PEX10: variants seen among roughly 807,000 people sequenced by gnomAD.
PEX10 encodes the protein peroxisomal biogenesis factor 10.
Under a neutral mutation model 38.0 loss-of-function variants are expected in PEX10, and 32 were observed. The ratio of observed to expected loss-of-function variants is 0.84; its 90% CI spans 0.63 to 1.13. PEX10 has a LOEUF of 1.13. Among genes scored for constraint, PEX10 ranks in the 50% most tolerant of loss-of-function variants. The pLI, the probability that PEX10 is intolerant of heterozygous loss-of-function variation, is 0.00. For synonymous variants in PEX10, 206 were observed against 207.3 expected (o/e 0.99, Z 0.05); for missense variants, 483 against 457.7 (o/e 1.06, Z -0.51).
rs2100441995 is a variant in PEX10 at position 2,412,530 on chromosome 1, G to A, written c.-28C>T. The A allele has an allele frequency of 1.5e-6, 2 of 1,302,406 alleles. No homozygotes were observed. The highest frequency in any genetic ancestry group is 3.2e-5 in the East Asian group (1 of 30,972). 80.7% of individuals were successfully genotyped at this position (1,302,406 alleles called of 1,614,324 possible). A position where few individuals can be genotyped will look rare whatever the true frequency, so the allele number is the denominator to read the frequency against. On this transcript the variant is annotated 5_prime_UTR_variant, in exon 1 of 6. Transcript: ENST00000447513. ...CCGCGGGTTCGGGTGGTCCCGAGCA[G>A]CCACGCCGGCCACGCCCACGCCCAG...
chr1:2,407,574 T>C (rs1214392960), intron 3 of PEX10, among the ~76,000 whole-genome samples: 1 of 152,222 alleles, frequency 6.6e-6, no homozygotes, highest in African/African-American at 2.4e-5. Context: ...TCCATGCCCC[T>C]GTCACAGCAG....
At chr1:2,406,960 G>C in intron 3 of PEX10, 65 bp from the exon 4 acceptor site, 3 of 1,566,526 alleles carry the variant, frequency 1.9e-6, no homozygotes, top group Non-Finnish European at 2.6e-6. Flanking sequence ...CGCCTGCTGG[G>C]AGGGTCACAC....
rs77398469 is a variant in PEX10, at chr1:2,410,994, A to C, written c.113-543T>G. 472 of 407,130 alleles carry C rather than the reference A, an allele frequency of 1.2e-3. 3 individuals are homozygous for C. The highest frequency in any genetic ancestry group is 9.4e-3 in the African/African-American group (460 of 48,872). 25.2% of individuals were successfully genotyped at this position (407,130 alleles called of 1,614,324 possible). On this transcript the variant is annotated intron_variant, in intron 1 of 5. Transcript: ENST00000447513. This position sits in a 1 kb window ranked among gnomAD's most constrained non-coding sequence, Gnocchi z 5.1. ...ACACACAAAAAATTCTCATCATGTC[A>C]CTCTCCTGTTCAGAATCCACCAATG... is the stretch of plus-strand genomic sequence containing the variant.
Position 2,410,459 on chromosome 1 carries a change from G to A in PEX10, c.113-8C>T. 6.2e-7 allele frequency: 1 copy of A among 1,613,662 alleles called. No individual in the cohort carries two copies. The highest frequency in any genetic ancestry group is 8.5e-7 in the Non-Finnish European group (1 of 1,179,670). ...CCAGCCACTTCCTCGCACCTGAGAG[G>A]AGAAACAGTATTAGTCCGGGGGAGC... is the stretch of plus-strand genomic sequence containing the variant. On this transcript the variant is annotated splice_region_variant and splice_polypyrimidine_tract_variant and intron_variant, in intron 1 of 5. Coordinates refer to ENST00000447513, the MANE Select transcript of PEX10 (RefSeq NM_002617.4). The surrounding 1 kb of genome is among the most constrained non-coding windows in gnomAD (Gnocchi z 5.1).
At position 2,405,415 on chromosome 1, in the gene PEX10, G is replaced by T; in HGVS notation, c.*351C>A. ...GGGGCTGTTTTCTCACAATATAAACGAATAAAGTGTCTTCTGGCCTACTTC... is the reference window on the plus strand; with the variant it reads ...GGGGCTGTTTTCTCACAATATAAACTAATAAAGTGTCTTCTGGCCTACTTC... On this transcript the variant is annotated 3_prime_UTR_variant, in exon 6 of 6. Transcript: ENST00000447513. The T allele has an allele frequency of 2.4e-6, 1 of 423,070 alleles. No individual in the cohort carries two copies. Among genetic ancestry groups the T allele is most frequent in the Admixed American group, 3.5e-5 (1 of 28,452 alleles). The allele number at this position is 423,070 out of a possible 1,614,324, so 26.2% of individuals were successfully genotyped here.
Position 2,405,732 on chromosome 1 carries a change from G to GGTC in PEX10, c.*31_*33dup. The GGTC allele has an allele frequency of 1.3e-6, 2 of 1,560,596 alleles. No homozygotes were observed. The highest frequency in any genetic ancestry group is 2.7e-5 in the African/African-American group (2 of 73,730). Reference sequence around the variant, plus strand: ...ATCTTGGCGTTCAGACTCCCGTAGAGGTCATCTGTGTCCAGGCCCACCCGG... The same window carrying GGTC: ...ATCTTGGCGTTCAGACTCCCGTAGAGGTCGTCATCTGTGTCCAGGCCCACCCGG... On this transcript the variant is annotated 3_prime_UTR_variant, in exon 6 of 6. Transcript: ENST00000447513.
chr1:2,412,713 G>A (rs1643299392), upstream of PEX10: 1 of 356,816 alleles, frequency 2.8e-6, no homozygotes, highest in East Asian at 4.3e-5. Context: ...GGGCGGGGCA[G>A]CGGGAAGGTA....
rs985111070 is a variant in PEX10, at chr1:2,405,301, CT to C, written c.*464del. 1.2e-4 allele frequency: 37 copies of C among 318,488 alleles called. No homozygotes were observed. Among genetic ancestry groups the C allele is most frequent in the African/African-American group, 7.0e-4 (32 of 45,924 alleles). 19.7% of individuals were successfully genotyped at this position (318,488 alleles called of 1,614,324 possible). ...TGGGGCCGTGGGGCTGCTGTTCTCA[CT>C]GCACTGGCTGAAGCAACCCGCCAGC... On this transcript the variant is annotated 3_prime_UTR_variant, in exon 6 of 6. Transcript: ENST00000447513.
chr1:2,405,983 C>G, intron 5 of PEX10, 149 bp from the exon 6 acceptor site: 2 of 735,586 alleles, frequency 2.7e-6, no homozygotes, highest in Non-Finnish European at 4.5e-6. Flanking sequence ...GAAAGCCAGC[C>G]TTTTTTCAGA....
chr1:2,410,457 A>G lies in PEX10; in HGVS notation c.113-6T>C, dbSNP rs1232952582. On this transcript the variant is annotated splice_region_variant and splice_polypyrimidine_tract_variant and intron_variant, in intron 1 of 5. Coordinates refer to ENST00000447513, the MANE Select transcript of PEX10 (RefSeq NM_002617.4). The surrounding 1 kb of genome is among the most constrained non-coding windows in gnomAD (Gnocchi z 5.1). ...CTCCAGCCACTTCCTCGCACCTGAGAGGAGAAACAGTATTAGTCCGGGGGA... is the reference window on the plus strand; with the variant it reads ...CTCCAGCCACTTCCTCGCACCTGAGGGGAGAAACAGTATTAGTCCGGGGGA... The G allele has an allele frequency of 1.9e-6, 3 of 1,613,728 alleles. No individual in the cohort carries two copies. The highest frequency in any genetic ancestry group is 2.5e-6 in the Non-Finnish European group (3 of 1,179,736).
intron 1 of PEX10, among the ~76,000 whole-genome samples, chr1:2,412,154 C>CA (rs974354473): frequency 2.3e-4 from 35 of 152,366 alleles, no homozygotes; most frequent in East Asian, 2.1e-3. Context: ...ACTGGAGGCC[C>CA]ACGCAGGTCC....
In PEX10 at chr1:2,409,784, G is replaced by C. The variant is rs1055615072; in HGVS notation, c.193+587C>G. 3 of 157,410 alleles carry C rather than the reference G, an allele frequency of 1.9e-5. No individual in the cohort carries two copies. The highest frequency in any genetic ancestry group is 7.2e-5 in the African/African-American group (3 of 41,506). 9.8% of individuals were successfully genotyped at this position (157,410 alleles called of 1,614,324 possible). On this transcript the variant is annotated intron_variant, in intron 2 of 5. Transcript: ENST00000447513. This position sits in a 1 kb window ranked among gnomAD's most constrained non-coding sequence, Gnocchi z 6.2. Reference sequence around the variant, plus strand: ...GGAAAATGCTCTTCCCTAAGACGTGGTCTTTATCTCTGAGAGCCCCTCACT... The same window carrying C: ...GGAAAATGCTCTTCCCTAAGACGTGCTCTTTATCTCTGAGAGCCCCTCACT...
rs2100433974 is a variant in PEX10 at position 2,410,132 on chromosome 1, C to T, written c.193+239G>A. ...CACTGAGAAATGGGTCTCAGTGGCA[C>T]CCGGGGTAAAGTCTTAAACAAAGAA... On this transcript the variant is annotated intron_variant, in intron 2 of 5. Coordinates refer to ENST00000447513, the MANE Select transcript of PEX10 (RefSeq NM_002617.4). This position sits in a 1 kb window ranked among gnomAD's most constrained non-coding sequence, Gnocchi z 5.1. 1 of 517,372 alleles carries T rather than the reference C, an allele frequency of 1.9e-6. No homozygotes were observed. The highest frequency in any genetic ancestry group is 3.1e-5 in the Admixed American group (1 of 32,644). 32.0% of individuals were successfully genotyped at this position (517,372 alleles called of 1,614,324 possible). A position where few individuals can be genotyped will look rare whatever the true frequency, so the allele number is the denominator to read the frequency against.
intron 1 of PEX10, among the ~76,000 whole-genome samples, chr1:2,411,980 C>G (rs1442895085): frequency 6.6e-6 from 1 of 152,236 alleles, no homozygotes; most frequent in Non-Finnish European, 1.5e-5. Context: ...AGGTATGAGG[C>G]GTTCGCGCCG....
In PEX10 at chr1:2,410,169, C is replaced by T; in HGVS notation, c.193+202G>A. ...TCTTAAACAAAGAACCCCAGGGACA[C>T]ACAAAGGCTGGAAAAGTCGGCTCCC... On this transcript the variant is annotated intron_variant, in intron 2 of 5. Transcript: ENST00000447513. The surrounding 1 kb of genome is among the most constrained non-coding windows in gnomAD (Gnocchi z 5.1). 1 of 604,996 alleles carries T rather than the reference C, an allele frequency of 1.7e-6. No individual in the cohort carries two copies. Among genetic ancestry groups the T allele is most frequent in the Non-Finnish European group, 3.0e-6 (1 of 333,166 alleles). The allele number at this position is 604,996 out of a possible 1,614,324, so 37.5% of individuals were successfully genotyped here.
In PEX10 at chr1:2,410,426, C is replaced by T. The variant is rs752243854; in HGVS notation, c.138G>A (p.Arg46=). 16 of 1,614,012 alleles carry T rather than the reference C, an allele frequency of 9.9e-6. No homozygotes were observed. Among genetic ancestry groups the T allele is most frequent in the Non-Finnish European group, 1.3e-5 (15 of 1,179,998 alleles). Residue 46 remains arginine (R), a synonymous_variant, in exon 2 of 6, where the codon AGG becomes AGA. Transcript: ENST00000447513. The surrounding 1 kb of genome is among the most constrained non-coding windows in gnomAD (Gnocchi z 5.1). ...CATCTGAGAGCAGCTCAACCTCCTT[C>T]CTCCACTCCAGCCACTTCCTCGCAC... ...LAGARKWLEW[R]KEVELLSDVA... is the part of the protein sequence containing the mutation.
chr1:2,412,506 C>G lies in PEX10; in HGVS notation c.-4G>C. On this transcript the variant is annotated 5_prime_UTR_variant, in exon 1 of 6. Transcript: ENST00000447513. ...GGCTGGCGGCGGCCGGGGCCATGGC[C>G]GCGGGTTCGGGTGGTCCCGAGCAGC... 1 of 1,357,274 alleles carries G rather than the reference C, an allele frequency of 7.4e-7. No individual in the cohort carries two copies. Among genetic ancestry groups the G allele is most frequent in the Non-Finnish European group, 9.5e-7 (1 of 1,057,830 alleles). The allele number at this position is 1,357,274 out of a possible 1,614,324, so 84.1% of individuals were successfully genotyped here. A position where few individuals can be genotyped will look rare whatever the true frequency, so the allele number is the denominator to read the frequency against.
Position 2,410,106 on chromosome 1 carries a change from C to T in PEX10, c.193+265G>A. The T allele has an allele frequency of 2.1e-6, 1 of 468,622 alleles. No homozygotes were observed. Among genetic ancestry groups the T allele is most frequent in the Non-Finnish European group, 4.0e-6 (1 of 252,606 alleles). The allele number at this position is 468,622 out of a possible 1,614,324, so 29.0% of individuals were successfully genotyped here. On this transcript the variant is annotated intron_variant, in intron 2 of 5. Coordinates refer to ENST00000447513, the MANE Select transcript of PEX10 (RefSeq NM_002617.4). The surrounding 1 kb of genome is among the most constrained non-coding windows in gnomAD (Gnocchi z 5.1). ...GACTCACTGGTGCCACCAGGGCTGG[C>T]CACTGAGAAATGGGTCTCAGTGGCA...
intron 1 of PEX10, 39 bp downstream of exon 1, chr1:2,412,352 G>T: frequency 7.4e-7 from 1 of 1,349,450 alleles, no homozygotes. Context: ...ACACCCCCTG[G>T]GCCGCTCGCG....
Sources: gnomAD v4.1 joint callset for allele counts (sites outside exome capture counted in the v4.1 genomes callset) on GRCh38, gnomAD v4.1.1 for gene constraint, Gnocchi (gnomAD v3.1) non-coding constraint, MANE v1.5 for transcripts, NCBI Gene and HGNC (gene_info 2026-07-23, HGNC 2026-07-21) for gene names.